The following LSAMP variants were observed in gnomAD, a reference collection of about 807,000 sequenced individuals.
LSAMP encodes the protein limbic system-associated membrane protein.
A neutral mutation model predicts 38.6 loss-of-function variants in LSAMP; 7 were observed. The observed-to-expected ratio is 0.18, with a 90% CI of 0.10 to 0.34. LSAMP has a LOEUF of 0.34. LSAMP is among the 10% of genes least tolerant of loss of function. LSAMP has a pLI of 1.00. For synonymous variants in LSAMP, 154 were observed against 166.8 expected (o/e 0.92, Z 0.59); for missense variants, 313 against 420.0 (o/e 0.75, Z 2.23).
chr3:116,312,687 T>C (rs2047572941), intron 1 of LSAMP, among the ~76,000 whole-genome samples: 1 of 152,170 alleles, frequency 6.6e-6, no homozygotes, highest in African/African-American at 2.4e-5. Flanking sequence ...ACTAGCCTCA[T>C]ACCCACGCTA....
chr3:116,430,095 T>C (rs1353353873), intron 1 of LSAMP, among the ~76,000 whole-genome samples: 2 of 152,190 alleles, frequency 1.3e-5, no homozygotes, highest in African/African-American at 4.8e-5. Context: ...TGTATGAAGC[T>C]GGCTGATGTT....
intron 3 of LSAMP, among the ~76,000 whole-genome samples, chr3:115,930,817 A>C (rs1937569281): frequency 6.6e-6 from 1 of 152,130 alleles, no homozygotes; most frequent in African/African-American, 2.4e-5. Flanking sequence ...CCCTGACACC[A>C]CAGGGCTTCC....
At chr3:116,289,630 C>A (rs2047237850) in intron 1 of LSAMP, among the ~76,000 whole-genome samples, 1 of 152,130 alleles carries the variant, frequency 6.6e-6, no homozygotes, top group Non-Finnish European at 1.5e-5. Flanking sequence ...ACCCTTCTAT[C>A]TGACCTTTTG....
At chr3:116,152,049 A>G (rs563467612) in intron 1 of LSAMP, among the ~76,000 whole-genome samples, 27 of 152,112 alleles carry the variant, frequency 1.8e-4, no homozygotes, top group African/African-American at 6.3e-4. Context: ...CTTATTCCTT[A>G]CCTGCAGTCT....
At position 116,376,524 on chromosome 3, in the gene LSAMP, C is replaced by T. The variant is rs116459398; in HGVS notation, c.155+68353G>A. On this transcript the variant is annotated intron_variant, in intron 1 of 6. Coordinates refer to ENST00000490035, the MANE Select transcript of LSAMP (RefSeq NM_002338.5). ...CAAGAAAGCCACAGTTTAATTCTTG[C>T]TATTGATGGTTCTTTGGGTTCATCC... Among the ~76,000 whole-genome samples the T allele has an allele frequency of 1.9e-3, 296 of 152,142 alleles. 1 individual carries two copies. Among genetic ancestry groups the T allele is most frequent in the African/African-American group, 6.4e-3 (267 of 41,534 alleles).
chr3:115,837,207 T>C (rs998521155), intron 6 of LSAMP, among the ~76,000 whole-genome samples: 2 of 152,316 alleles, frequency 1.3e-5, no homozygotes, highest in Middle Eastern at 3.4e-3. Flanking sequence ...TAGTCAACTA[T>C]GGCTTTACAA....
chr3:116,000,265 A>G (rs1939952426), intron 3 of LSAMP, among the ~76,000 whole-genome samples: 1 of 152,154 alleles, frequency 6.6e-6, no homozygotes, highest in Non-Finnish European at 1.5e-5. Context: ...CACTGTGGAA[A>G]CCATCTCACT....
At chr3:116,289,139 A>G (rs2047229612) in intron 1 of LSAMP, among the ~76,000 whole-genome samples, 1 of 152,200 alleles carries the variant, frequency 6.6e-6, no homozygotes, top group African/African-American at 2.4e-5. Context: ...AATCAGAGAA[A>G]GCCTAACACA....
chr3:115,871,484 C>T (rs1439864341), intron 3 of LSAMP, among the ~76,000 whole-genome samples: 4 of 151,954 alleles, frequency 2.6e-5, no homozygotes, highest in African/African-American at 9.7e-5. Flanking sequence ...AAAATATTAG[C>T]AGTGCAGTGC....
intron 1 of LSAMP, among the ~76,000 whole-genome samples, chr3:116,194,550 A>G (rs929624366): frequency 2.6e-5 from 4 of 152,030 alleles, no homozygotes; most frequent in Non-Finnish European, 4.4e-5. Context: ...GCCCGCCACC[A>G]CGCCCAGCTA....
intron 1 of LSAMP, among the ~76,000 whole-genome samples, chr3:116,197,095 C>T (rs1710901451): frequency 6.6e-6 from 1 of 150,436 alleles, no homozygotes; most frequent in Non-Finnish European, 1.5e-5. Context: ...AATGGGGGTC[C>T]CCTGGTGAGG....
intron 1 of LSAMP, among the ~76,000 whole-genome samples, chr3:116,157,297 C>T (rs1412774381): frequency 6.6e-6 from 1 of 151,946 alleles, no homozygotes; most frequent in Non-Finnish European, 1.5e-5. Context: ...GATAGTAATA[C>T]TAAAGGAACT....
At chr3:116,066,200 AC>A (rs1467597830) in intron 2 of LSAMP, among the ~76,000 whole-genome samples, 12 of 152,148 alleles carry the variant, frequency 7.9e-5, no homozygotes, top group Admixed American at 3.9e-4. Flanking sequence ...GGGGAAAGGG[AC>A]CTCTCTGGGG....
intron 1 of LSAMP, among the ~76,000 whole-genome samples, chr3:116,414,913 C>T (rs1425425158): frequency 1.3e-5 from 2 of 152,050 alleles, no homozygotes; most frequent in African/African-American, 2.4e-5. Context: ...CTGCTTGCTC[C>T]CAAGCCTGAG....
Position 116,239,698 on chromosome 3 carries a change from A to G in LSAMP, c.156-153142T>C, listed in dbSNP as rs77794681. On this transcript the variant is annotated intron_variant, in intron 1 of 6. Coordinates refer to ENST00000490035, the MANE Select transcript of LSAMP (RefSeq NM_002338.5). ...GAGCTCTCTATCCCTGGAAGAGTTCAATCACAGGTTACATGGCCATTAGTC... is the reference window on the plus strand; with the variant it reads ...GAGCTCTCTATCCCTGGAAGAGTTCGATCACAGGTTACATGGCCATTAGTC... 3.7e-4 allele frequency among the ~76,000 whole-genome samples: 57 copies of G among 152,314 alleles called. 1 individual carries two copies. In the East Asian group the frequency reaches 0.011, roughly 28 times the overall value.
At chr3:116,444,029 T>C (rs1464735299) in intron 1 of LSAMP, among the ~76,000 whole-genome samples, 3 of 152,152 alleles carry the variant, frequency 2.0e-5, no homozygotes, top group Non-Finnish European at 4.4e-5. Context: ...TTTCCAAATT[T>C]CAATCTCAAA....
chr3:116,108,943 G>T (rs909485998), intron 1 of LSAMP, among the ~76,000 whole-genome samples: 1 of 152,176 alleles, frequency 6.6e-6, no homozygotes, highest in African/African-American at 2.4e-5. Context: ...GGTTAATTAA[G>T]TCCTGTTGTG....
chr3:116,376,726 A>G (rs2048498635), intron 1 of LSAMP, among the ~76,000 whole-genome samples: 1 of 152,118 alleles, frequency 6.6e-6, no homozygotes, highest in Non-Finnish European at 1.5e-5. Flanking sequence ...AAGAAAACAC[A>G]TTTCAAAGAC....
At chr3:116,060,168 CT>C (rs569120264) in intron 2 of LSAMP, among the ~76,000 whole-genome samples, 10 of 151,158 alleles carry the variant, frequency 6.6e-5, no homozygotes, top group Middle Eastern at 3.4e-3. Flanking sequence ...CCTCTTCCCC[CT>C]CTCTTGCCTA....
Sources: gnomAD v4.1 joint callset for allele counts (sites outside exome capture counted in the v4.1 genomes callset) on GRCh38, gnomAD v4.1.1 for gene constraint, MANE v1.5 for transcripts, NCBI Gene and HGNC (gene_info 2026-07-23, HGNC 2026-07-21) for gene names.